The following GALNT17 variants were observed in gnomAD, a reference collection of about 807,000 sequenced individuals.
GALNT17 encodes the protein polypeptide N-acetylgalactosaminyltransferase 17.
In GALNT17, 29 loss-of-function variants were observed where a neutral mutation model predicts 63.7. The observed-to-expected ratio is 0.46, with a 90% CI of 0.34 to 0.62. The LOEUF is 0.62. Among genes scored for constraint, GALNT17 ranks in the 20% least tolerant of loss-of-function variants. The pLI is 0.01. For missense variants in GALNT17, 603 were observed against 799.6 expected (o/e 0.75, Z 2.97); for synonymous variants, 305 against 318.3 (o/e 0.96, Z 0.45).
chr7:71,655,089 A>G (rs1160085754), intron 6 of GALNT17, among the ~76,000 whole-genome samples: 1 of 152,110 alleles, frequency 6.6e-6, no homozygotes, highest in Non-Finnish European at 1.5e-5. Flanking sequence ...CACCATGCTC[A>G]GCCTACAAAA....
At chr7:71,579,742 C>T (rs1789602584) in intron 6 of GALNT17, among the ~76,000 whole-genome samples, 1 of 152,184 alleles carries the variant, frequency 6.6e-6, no homozygotes, top group African/African-American at 2.4e-5. Flanking sequence ...GATGCAGCGA[C>T]AACCATCAAG....
In GALNT17 at chr7:71,710,903, T is replaced by G. The variant is rs1402529710; in HGVS notation, c.1643T>G (p.Leu548Arg). The G allele has an allele frequency of 6.2e-7, 1 of 1,613,916 alleles. No homozygotes were observed. The highest frequency in any genetic ancestry group is 8.5e-7 in the Non-Finnish European group (1 of 1,180,026). ...GACTGCGACAAGGTCAAGAGCAGCCTGTACAAGCGCTGGAACTTCATCCAG... is the reference window on the plus strand; with the variant it reads ...GACTGCGACAAGGTCAAGAGCAGCCGGTACAAGCGCTGGAACTTCATCCAG... ...LLDCDKVKSS[L>R]YKRWNFIQNG... Residue 548 changes from leucine (L) to arginine (R), a missense_variant, in exon 10 of 11, where the codon CTG becomes CGG. Physicochemically the swap from Leu to Arg is moderately radical, Grantham distance 102. Around this residue, in one of 3 missense-constraint regions of GALNT17, gnomAD observed 72 missense variants for 76.9 expected, o/e 0.94. Transcript: ENST00000333538.
At chr7:71,200,387 A>G (rs1215294034) in intron 1 of GALNT17, among the ~76,000 whole-genome samples, 2 of 152,144 alleles carry the variant, frequency 1.3e-5, no homozygotes, top group African/African-American at 2.4e-5. Context: ...CTTCCTTGGG[A>G]TCCTTTGACC....
intron 1 of GALNT17, among the ~76,000 whole-genome samples, chr7:71,156,654 C>CAT (rs1788241382): frequency 6.8e-6 from 1 of 147,850 alleles, no homozygotes; most frequent in African/African-American, 2.6e-5. Context: ...CCCTCCCTGC[C>CAT]TCCCTTCCTT....
chr7:71,700,815 A>C (rs534453567), intron 9 of GALNT17, among the ~76,000 whole-genome samples: 2 of 152,258 alleles, frequency 1.3e-5, no homozygotes, highest in East Asian at 3.9e-4. Flanking sequence ...TGTATTTCCT[A>C]GCAATATTTC....
intron 6 of GALNT17, among the ~76,000 whole-genome samples, chr7:71,613,792 ATT>A (rs56216543): frequency 1.2e-3 from 156 of 132,364 alleles, no homozygotes; most frequent in African/African-American, 2.1e-3. Context: ...CATCTCTATG[ATT>A]TTTTTTTTTT....
At chr7:71,681,756 G>A (rs1424655650) in intron 9 of GALNT17, among the ~76,000 whole-genome samples, 2 of 152,202 alleles carry the variant, frequency 1.3e-5, no homozygotes, top group Non-Finnish European at 2.9e-5. Context: ...ATCCCAGTTA[G>A]ATACTGGCAT....
At chr7:71,637,883 T>C (rs1407520781) in intron 6 of GALNT17, among the ~76,000 whole-genome samples, 1 of 152,104 alleles carries the variant, frequency 6.6e-6, no homozygotes, top group East Asian at 1.9e-4. Context: ...GGGCAAGCCA[T>C]AGAGTTAAGT....
chr7:71,265,098 T>TTATATATATATA (rs1554345967), intron 1 of GALNT17, among the ~76,000 whole-genome samples: 17 of 78,362 alleles, frequency 2.2e-4, no homozygotes, highest in South Asian at 4.6e-4. Context: ...CCCATAAATA[T>TTATATATATATA]TATATATATA....
At chr7:71,151,832 A>G (rs903893974) in intron 1 of GALNT17, among the ~76,000 whole-genome samples, 3 of 152,162 alleles carry the variant, frequency 2.0e-5, no homozygotes, top group Non-Finnish European at 4.4e-5. Flanking sequence ...TTTCTGCTGA[A>G]AGGAACTGGC....
chr7:71,527,869 T>C (rs1788651653), intron 5 of GALNT17, among the ~76,000 whole-genome samples: 1 of 152,146 alleles, frequency 6.6e-6, no homozygotes, highest in African/African-American at 2.4e-5. Flanking sequence ...ACCCTGCACA[T>C]TTGCACTCGC....
intron 1 of GALNT17, among the ~76,000 whole-genome samples, chr7:71,280,021 G>T (rs1314318110): frequency 6.6e-6 from 1 of 151,950 alleles, no homozygotes; most frequent in Non-Finnish European, 1.5e-5. Context: ...AATATATCTT[G>T]GGGCATCTTT....
chr7:71,244,760 G>A (rs1490333902), intron 1 of GALNT17, among the ~76,000 whole-genome samples: 1 of 152,060 alleles, frequency 6.6e-6, no homozygotes, highest in Non-Finnish European at 1.5e-5. Flanking sequence ...ACCAGCCTGG[G>A]CAACATAGTG....
chr7:71,384,702 T>C (rs760396625), intron 2 of GALNT17, among the ~76,000 whole-genome samples: 78 of 152,308 alleles, frequency 5.1e-4, no homozygotes, highest in Middle Eastern at 6.8e-3. Flanking sequence ...GAGGCTGTCA[T>C]TGCATTGTGA....
chr7:71,542,890 T>C (rs1006917001), intron 5 of GALNT17, among the ~76,000 whole-genome samples: 2 of 152,042 alleles, frequency 1.3e-5, no homozygotes, highest in Non-Finnish European at 2.9e-5. Context: ...CTCATCAGAT[T>C]TAAGATCCCA....
At chr7:71,354,162 A>G (rs1792239993) in intron 2 of GALNT17, among the ~76,000 whole-genome samples, 1 of 152,208 alleles carries the variant, frequency 6.6e-6, no homozygotes. Flanking sequence ...AACATCAGGA[A>G]TTACAATTCA....
At chr7:71,235,801 CCTT>C (rs1460359105) in intron 1 of GALNT17, among the ~76,000 whole-genome samples, 1 of 152,324 alleles carries the variant, frequency 6.6e-6, no homozygotes, top group South Asian at 2.1e-4. Flanking sequence ...AAGCTCCACT[CCTT>C]CTTCATGGGG....
intron 1 of GALNT17, among the ~76,000 whole-genome samples, chr7:71,329,979 GTGTGTGTATATATATACATATA>G (rs66974220): frequency 0.63 from 93,616 of 149,190 alleles, 29,668 homozygotes; most frequent in African/African-American, 0.69. Flanking sequence ...ACGTATATGT[GTGTGTGTATATATATACATATA>G]TGTGTGTATA....
intron 5 of GALNT17, among the ~76,000 whole-genome samples, chr7:71,445,137 T>C (rs1156914471): frequency 1.3e-5 from 2 of 150,894 alleles, no homozygotes; most frequent in South Asian, 2.1e-4. Flanking sequence ...AATGGAGCTA[T>C]AGCACCTCCC....
Sources: allele counts gnomAD v4.1 joint callset (sites outside exome capture counted in the v4.1 genomes callset), GRCh38; gene constraint gnomAD v4.1.1; regional missense constraint gnomAD v4.1.1; transcripts MANE v1.5; gene names NCBI Gene and HGNC (gene_info 2026-07-23, HGNC 2026-07-21).